The following CLSTN2 variants were observed in gnomAD, a reference collection of about 807,000 sequenced individuals.
CLSTN2 encodes the protein calsyntenin-2.
In CLSTN2, 48 loss-of-function variants were observed where a neutral mutation model predicts 101.2. The ratio of observed to expected loss-of-function variants is 0.47; its 90% CI spans 0.38 to 0.60. CLSTN2 has a LOEUF of 0.60. CLSTN2 is among the 20% of genes least tolerant of loss of function. The pLI is 0.00. For synonymous variants in CLSTN2, 481 were observed against 463.6 expected (o/e 1.04, Z -0.48); for missense variants, 1,160 against 1,238.2 (o/e 0.94, Z 0.95).
At chr3:140,106,091 C>T (rs2009053574) in intron 1 of CLSTN2, among the ~76,000 whole-genome samples, 1 of 152,158 alleles carries the variant, frequency 6.6e-6, no homozygotes, top group African/African-American at 2.4e-5. Flanking sequence ...CTTATATAGT[C>T]AGATCCAGTC....
chr3:139,995,450 A>G (rs771957272), intron 1 of CLSTN2, among the ~76,000 whole-genome samples: 1 of 152,076 alleles, frequency 6.6e-6, no homozygotes, highest in Non-Finnish European at 1.5e-5. Context: ...TGGCAGTTTC[A>G]TGGACTTCTC....
chr3:140,260,387 T>A (rs2086641646), intron 2 of CLSTN2, among the ~76,000 whole-genome samples: 3 of 151,848 alleles, frequency 2.0e-5, no homozygotes, highest in Non-Finnish European at 4.4e-5. Flanking sequence ...AGGAATCTTT[T>A]TTCTATTTTT....
At chr3:140,214,165 C>T (rs1236734440) in intron 2 of CLSTN2, among the ~76,000 whole-genome samples, 1 of 152,028 alleles carries the variant, frequency 6.6e-6, no homozygotes, top group African/African-American at 2.4e-5. Context: ...ATAGGCTAGG[C>T]ATGGTGGCTC....
chr3:140,078,268 G>A (rs1459230491), intron 1 of CLSTN2, among the ~76,000 whole-genome samples: 1 of 152,208 alleles, frequency 6.6e-6, no homozygotes, highest in Non-Finnish European at 1.5e-5. Context: ...AAACATTGAA[G>A]TACTGAACTA....
intron 4 of CLSTN2, among the ~76,000 whole-genome samples, chr3:140,420,052 C>G (rs1419885365): frequency 6.6e-6 from 1 of 150,542 alleles, no homozygotes; most frequent in Non-Finnish European, 1.5e-5. Flanking sequence ...ACCATCACAC[C>G]TGGTTAATTT....
At chr3:139,990,385 T>C (rs1007590113) in intron 1 of CLSTN2, among the ~76,000 whole-genome samples, 1 of 152,150 alleles carries the variant, frequency 6.6e-6, no homozygotes, top group African/African-American at 2.4e-5. Context: ...TAAAATCAAA[T>C]ATGCAAGAGT....
At chr3:140,345,970 GTC>G (rs1439242071) in intron 2 of CLSTN2, among the ~76,000 whole-genome samples, 1 of 152,150 alleles carries the variant, frequency 6.6e-6, no homozygotes, top group Non-Finnish European at 1.5e-5. Flanking sequence ...ATAGCCCATC[GTC>G]TCAGCTTACT....
intron 2 of CLSTN2, among the ~76,000 whole-genome samples, chr3:140,312,921 C>T (rs557046359): frequency 4.6e-5 from 7 of 152,314 alleles, no homozygotes; most frequent in African/African-American, 9.6e-5. Context: ...CAAAGGTCTT[C>T]GACCGAATCC....
intron 1 of CLSTN2, among the ~76,000 whole-genome samples, chr3:140,167,813 T>C (rs2010157668): frequency 6.6e-6 from 1 of 152,208 alleles, no homozygotes. Context: ...GCAGTCTTTT[T>C]TGTCTGACTT....
chr3:140,421,625 T>C (rs771492301), intron 5 of CLSTN2, among the ~76,000 whole-genome samples: 14 of 152,154 alleles, frequency 9.2e-5, no homozygotes, highest in Non-Finnish European at 1.5e-4. Flanking sequence ...ACCTGATGCA[T>C]TTCAAGTTTT....
At chr3:140,029,022 C>G (rs1257692469) in intron 1 of CLSTN2, among the ~76,000 whole-genome samples, 5 of 152,194 alleles carry the variant, frequency 3.3e-5, no homozygotes, top group Non-Finnish European at 5.9e-5. Flanking sequence ...CACTGACTAG[C>G]ATGGAGTAGG....
At chr3:140,495,433 G>A (rs1251489818) in intron 8 of CLSTN2, among the ~76,000 whole-genome samples, 2 of 152,108 alleles carry the variant, frequency 1.3e-5, no homozygotes, top group Non-Finnish European at 2.9e-5. Flanking sequence ...TCTGATGATA[G>A]CTTCTTTTAC....
chr3:140,028,788 C>A (rs565981014), intron 1 of CLSTN2, among the ~76,000 whole-genome samples: 2 of 152,174 alleles, frequency 1.3e-5, no homozygotes, highest in Admixed American at 6.5e-5. Flanking sequence ...GAGAAATAAG[C>A]AAGGATTGGT....
At chr3:140,282,301 C>T (rs1403343156) in intron 2 of CLSTN2, among the ~76,000 whole-genome samples, 1 of 152,182 alleles carries the variant, frequency 6.6e-6, no homozygotes, top group Non-Finnish European at 1.5e-5. Context: ...TCTTAACCCA[C>T]ATTCCCTTTA....
intron 1 of CLSTN2, among the ~76,000 whole-genome samples, chr3:140,083,027 C>T (rs1047827506): frequency 5.3e-5 from 8 of 152,204 alleles, no homozygotes; most frequent in Non-Finnish European, 1.0e-4. Context: ...TACCTTATCC[C>T]TTCAATAATT....
intron 1 of CLSTN2, among the ~76,000 whole-genome samples, chr3:140,032,107 C>T (rs1042173305): frequency 6.6e-6 from 1 of 152,088 alleles, no homozygotes; most frequent in South Asian, 2.1e-4. Context: ...AAAGCGCTGC[C>T]CATGAACATA....
At position 140,470,496 on chromosome 3, in the gene CLSTN2, G is replaced by A. The variant is rs991037702; in HGVS notation, c.1344+3765G>A. ...AGTGAGCAGGAGGGCTGGGGTCAGGGCGTGTGAGCTCTCAGTGTGGTGGGG... is the reference window on the plus strand; with the variant it reads ...AGTGAGCAGGAGGGCTGGGGTCAGGACGTGTGAGCTCTCAGTGTGGTGGGG... On this transcript the variant is annotated intron_variant, in intron 8 of 16. Transcript: ENST00000458420. 2.0e-5 allele frequency among the ~76,000 whole-genome samples: 3 copies of A among 152,342 alleles called. No individual in the cohort carries two copies. In the East Asian group the frequency reaches 5.8e-4, roughly 29 times the overall value.
chr3:139,980,018 A>G (rs1471805581), intron 1 of CLSTN2, among the ~76,000 whole-genome samples: 2 of 152,058 alleles, frequency 1.3e-5, no homozygotes, highest in Admixed American at 1.3e-4. Flanking sequence ...TTCAAAATGC[A>G]TTTATAATCT....
chr3:140,040,375 T>C (rs111903064), intron 1 of CLSTN2, among the ~76,000 whole-genome samples: 13 of 152,316 alleles, frequency 8.5e-5, no homozygotes, highest in African/African-American at 3.1e-4. Flanking sequence ...AGTCTGAATC[T>C]GTTCAGGCCA....
Sources: gnomAD v4.1 joint callset for allele counts (sites outside exome capture counted in the v4.1 genomes callset) on GRCh38, gnomAD v4.1.1 for gene constraint, MANE v1.5 for transcripts, NCBI Gene and HGNC (gene_info 2026-07-23, HGNC 2026-07-21) for gene names.